Variants in INVS observed in about 807,000 individuals in gnomAD.
The protein encoded by INVS is inversion of embryo turning homolog.
Under a neutral mutation model 108.8 loss-of-function variants are expected in INVS, and 86 were observed. That is an observed-to-expected ratio of 0.79 (90% confidence interval 0.66 to 0.95). The LOEUF is 0.95. INVS is among the 40% of genes least tolerant of loss of function. The pLI is 0.00. For synonymous variants in INVS, 455 were observed against 473.5 expected, an observed-to-expected ratio of 0.96 and a Z score of 0.51; for missense variants, 1,169 against 1,297.4, an observed-to-expected ratio of 0.90 and a Z score of 1.52.
chr9:100,197,357 G>C, intron 3 of INVS, among the ~76,000 whole-genome samples: 1 of 152,140 alleles, frequency 6.6e-6, no homozygotes, highest in East Asian at 1.9e-4. Context: ...AGGATCCCTT[G>C]ATCCCAGGAG....
rs1832290019 is a variant in INVS, at chr9:100,253,066, A to G, written c.1394A>G (p.Tyr465Cys). ...AGRTPLQCAA[Y>C]GGYINCMAVL... is the part of the protein sequence containing the mutation. ...AGAACCCCTTTGCAGTGTGCAGCAT[A>G]TGGAGGCTATATCAACTGCATGGCA... Residue 465 changes from tyrosine to cysteine, a missense_variant, in exon 10 of 17, where the codon TAT becomes TGT. Physicochemically the swap from Tyr to Cys is radical, Grantham distance 194. Transcript: ENST00000262457. The G allele has an allele frequency of 6.2e-7, 1 of 1,614,052 alleles. No homozygotes were observed. The highest frequency in any genetic ancestry group is 8.5e-7 in the Non-Finnish European group (1 of 1,179,920).
intron 3 of INVS, among the ~76,000 whole-genome samples, chr9:100,180,447 A>G (rs1829855297): frequency 6.6e-6 from 1 of 152,162 alleles, no homozygotes; most frequent in African/African-American, 2.4e-5. Context: ...TAAAGGGGAT[A>G]TAACCACTGA....
intron 5 of INVS, among the ~76,000 whole-genome samples, chr9:100,230,677 C>A (rs556962924): frequency 6.6e-6 from 1 of 152,046 alleles, no homozygotes; most frequent in African/African-American, 2.4e-5. Flanking sequence ...CGCCACCGTG[C>A]CTGGCTAATT....
chr9:100,104,331 C>G (rs1827102147), intron 1 of INVS, among the ~76,000 whole-genome samples, 167 bp from the exon 2 acceptor site: 1 of 152,184 alleles, frequency 6.6e-6, no homozygotes. Context: ...TTCCAAACTG[C>G]TAGTATTACA....
At chr9:100,171,430 T>C (rs772325692) in intron 3 of INVS, among the ~76,000 whole-genome samples, 13 of 152,140 alleles carry the variant, frequency 8.5e-5, no homozygotes, top group Non-Finnish European at 1.3e-4. Flanking sequence ...GTTCACACTA[T>C]GACAAAATCA....
At chr9:100,294,880 G>A (rs909591421) in intron 14 of INVS, among the ~76,000 whole-genome samples, 1 of 152,116 alleles carries the variant, frequency 6.6e-6, no homozygotes, top group African/African-American at 2.4e-5. Context: ...GCATGTAATC[G>A]TCACTGATAA....
chr9:100,121,591 G>C (rs1827728061), intron 2 of INVS, among the ~76,000 whole-genome samples: 1 of 152,054 alleles, frequency 6.6e-6, no homozygotes, highest in Non-Finnish European at 1.5e-5. Context: ...ATTTGTGTCT[G>C]CTCTGTTTTT....
At chr9:100,215,563 A>T (rs1830961570) in intron 3 of INVS, 1 of 152,224 alleles carries the variant, frequency 6.6e-6, no homozygotes, top group South Asian at 2.1e-4. Flanking sequence ...ACAATTCCAG[A>T]TACCTGAGGA....
At chr9:100,236,315 C>T (rs908894370) in intron 5 of INVS, among the ~76,000 whole-genome samples, 7 of 152,150 alleles carry the variant, frequency 4.6e-5, no homozygotes, top group African/African-American at 1.4e-4. Flanking sequence ...GCTCCTTTAG[C>T]TTGGAGGATT....
intron 3 of INVS, among the ~76,000 whole-genome samples, chr9:100,187,617 C>G (rs1588073800): frequency 1.3e-5 from 2 of 149,340 alleles, no homozygotes; most frequent in Admixed American, 1.3e-4. Context: ...ACCTCCGCCT[C>G]CCAGGTTCAA....
intron 8 of INVS, among the ~76,000 whole-genome samples, chr9:100,247,855 C>A (rs1308041357): frequency 1.3e-5 from 2 of 152,238 alleles, no homozygotes; most frequent in East Asian, 1.9e-4. Context: ...GTCACCCAGG[C>A]TGGAGTGCAG....
chr9:100,117,427 C>A, intron 2 of INVS: 1 of 791,030 alleles, frequency 1.3e-6, no homozygotes. Flanking sequence ...TGTCCTTGAC[C>A]AAGCGGCCCA....
chr9:100,104,880 AC>A (rs1482415753), intron 2 of INVS, among the ~76,000 whole-genome samples: 2 of 152,350 alleles, frequency 1.3e-5, no homozygotes, highest in Admixed American at 6.5e-5. Flanking sequence ...ATTCTAAGGT[AC>A]TAAGGGAATG....
intron 13 of INVS, 52 bp from the exon 14 acceptor site, chr9:100,292,274 A>G: frequency 1.4e-6 from 2 of 1,480,426 alleles, no homozygotes; most frequent in South Asian, 2.3e-5. Context: ...ATATTAGGAA[A>G]ATTATCCTAC....
intron 3 of INVS, among the ~76,000 whole-genome samples, chr9:100,221,304 A>AG (rs1401574098): frequency 1.7e-5 from 2 of 115,598 alleles, no homozygotes; most frequent in Non-Finnish European, 3.8e-5. Flanking sequence ...CATACAGGAC[A>AG]ATTTTTTTTT....
intron 13 of INVS, among the ~76,000 whole-genome samples, chr9:100,288,746 G>A (rs376531875): frequency 6.6e-5 from 10 of 151,928 alleles, no homozygotes; most frequent in East Asian, 5.8e-4. Flanking sequence ...TCAGCCTCCC[G>A]GGTGGCTAGG....
intron 3 of INVS, among the ~76,000 whole-genome samples, chr9:100,222,820 T>C (rs1831194140): frequency 8.3e-6 from 1 of 119,792 alleles, no homozygotes; most frequent in Non-Finnish European, 1.7e-5. Flanking sequence ...CTGGGCAAAC[T>C]TTTTTTTTTT....
chr9:100,264,256 G>A (rs919690522), intron 10 of INVS, among the ~76,000 whole-genome samples: 1 of 152,020 alleles, frequency 6.6e-6, no homozygotes, highest in East Asian at 1.9e-4. Context: ...TTTTTGGTTG[G>A]AATATTACAT....
chr9:100,225,398 A>G (rs1440911942), intron 3 of INVS, among the ~76,000 whole-genome samples: 1 of 152,150 alleles, frequency 6.6e-6, no homozygotes. Flanking sequence ...GTACCCATAA[A>G]TAGCTTTCTT....
Sources: allele counts gnomAD v4.1 joint callset (sites outside exome capture counted in the v4.1 genomes callset), GRCh38; gene constraint gnomAD v4.1.1; transcripts MANE v1.5; gene names NCBI Gene and HGNC (gene_info 2026-07-23, HGNC 2026-07-21).